Variants in INPP4B observed in about 807,000 individuals in gnomAD.
INPP4B encodes the protein inositol polyphosphate 4-phosphatase type II.
A neutral mutation model predicts 122.5 loss-of-function variants in INPP4B; 55 were observed. That is an observed-to-expected ratio of 0.45 (90% CI 0.36 to 0.56). INPP4B has a LOEUF of 0.56. INPP4B is among the 20% of genes least tolerant of loss of function. The pLI is 0.00. For synonymous variants in INPP4B, 403 were observed against 388.7 expected, an observed-to-expected ratio of 1.04 and a Z score of -0.43; for missense variants, 1,000 against 1,097.7, an observed-to-expected ratio of 0.91 and a Z score of 1.26.
At chr4:142,262,047 C>G (rs970776507) in intron 10 of INPP4B, among the ~76,000 whole-genome samples, 11 of 152,264 alleles carry the variant, frequency 7.2e-5, no homozygotes, top group African/African-American at 2.6e-4. Flanking sequence ...TCCTAAATCA[C>G]TAGAATGATG....
chr4:142,448,494 T>A (rs1813432142), intron 3 of INPP4B, among the ~76,000 whole-genome samples: 1 of 152,158 alleles, frequency 6.6e-6, no homozygotes, highest in African/African-American at 2.4e-5. Context: ...CAATGTCAAA[T>A]CACTTAAAAA....
chr4:142,417,888 T>A (rs1806104276), intron 5 of INPP4B, among the ~76,000 whole-genome samples: 1 of 152,138 alleles, frequency 6.6e-6, no homozygotes, highest in South Asian at 2.1e-4. Context: ...TCTCCTTATG[T>A]CAGTCTATTT....
chr4:142,845,321 A>C (rs1784051144), intron 1 of INPP4B, among the ~76,000 whole-genome samples: 1 of 152,134 alleles, frequency 6.6e-6, no homozygotes, highest in Non-Finnish European at 1.5e-5. Context: ...TGGTTCTAGC[A>C]TCCTCATCTT....
chr4:142,361,518 C>G (rs977215057), intron 7 of INPP4B, among the ~76,000 whole-genome samples: 10 of 151,872 alleles, frequency 6.6e-5, no homozygotes, highest in Admixed American at 1.3e-4. Flanking sequence ...AGATTTCAGC[C>G]AATGATGTGT....
intron 25 of INPP4B, among the ~76,000 whole-genome samples, chr4:142,067,934 C>T (rs1198426241): frequency 6.6e-6 from 1 of 152,076 alleles, no homozygotes; most frequent in Non-Finnish European, 1.5e-5. Flanking sequence ...AGAACTTCCC[C>T]AACATAGCAA....
intron 2 of INPP4B, among the ~76,000 whole-genome samples, chr4:142,629,209 G>C (rs1200475898): frequency 6.6e-6 from 1 of 151,954 alleles, no homozygotes; most frequent in Admixed American, 6.6e-5. Context: ...CCAGGGAACT[G>C]GCAATCAATC....
rs1242712509 is a variant in INPP4B, at chr4:142,642,748, C to T, written c.-191+83091G>A. On this transcript the variant is annotated intron_variant, in intron 2 of 25. Transcript: ENST00000262992. ...TTGGCTTAGGATTGACTTGGTGATG[C>T]GGGCTCTTTTTTGGTTCTATATGAA... Among the ~76,000 whole-genome samples, 10 of 152,208 alleles carry T rather than the reference C, an allele frequency of 6.6e-5. No individual in the cohort carries two copies. In the East Asian group the frequency reaches 7.7e-4, roughly 12 times the overall value.
intron 25 of INPP4B, chr4:142,030,320 GT>G: frequency 9.8e-6 from 15 of 1,523,070 alleles, no homozygotes; most frequent in Non-Finnish European, 1.3e-5. Flanking sequence ...ATGAGGGGAA[GT>G]TGGGGGGGAA....
intron 21 of INPP4B, among the ~76,000 whole-genome samples, chr4:142,116,946 A>T (rs6848191): frequency 0.13 from 19,085 of 151,914 alleles, 1,368 homozygotes; most frequent in East Asian, 0.23. Context: ...GAGAAAATAA[A>T]CAAATAGATG....
intron 1 of INPP4B, among the ~76,000 whole-genome samples, chr4:142,829,534 G>A (rs932556326): frequency 6.6e-6 from 1 of 151,946 alleles, no homozygotes; most frequent in African/African-American, 2.4e-5. Context: ...CTATTCCTGA[G>A]TTTCTGCACT....
At chr4:142,716,807 T>G (rs994318564) in intron 2 of INPP4B, among the ~76,000 whole-genome samples, 1 of 152,186 alleles carries the variant, frequency 6.6e-6, no homozygotes, top group African/African-American at 2.4e-5. Context: ...ATCCAACCAA[T>G]TGTAATGGTC....
chr4:142,086,078 A>C, intron 24 of INPP4B, 66 bp downstream of exon 24: 3 of 1,068,316 alleles, frequency 2.8e-6, no homozygotes, highest in Non-Finnish European at 4.4e-6. Flanking sequence ...CCTGCACAGT[A>C]GAGAACTGAT....
At chr4:142,537,398 C>CTATATAT in intron 2 of INPP4B, among the ~76,000 whole-genome samples, 1 of 54,556 alleles carries the variant, frequency 1.8e-5, no homozygotes, top group Non-Finnish European at 4.4e-5. Flanking sequence ...ATTTTACATA[C>CTATATAT]AGTATATATA....
At chr4:142,258,651 G>C (rs1168708722) in intron 11 of INPP4B, among the ~76,000 whole-genome samples, 14 of 152,156 alleles carry the variant, frequency 9.2e-5, no homozygotes, top group Non-Finnish European at 1.6e-4. Flanking sequence ...AAACCACAAT[G>C]AGATACCATC....
At chr4:142,672,235 T>C (rs759292038) in intron 2 of INPP4B, among the ~76,000 whole-genome samples, 4 of 152,184 alleles carry the variant, frequency 2.6e-5, no homozygotes, top group Non-Finnish European at 4.4e-5. Flanking sequence ...GAACATAAGT[T>C]TTCATTTGTT....
At chr4:142,756,066 G>C (rs1220518488) in intron 1 of INPP4B, among the ~76,000 whole-genome samples, 1 of 152,000 alleles carries the variant, frequency 6.6e-6, no homozygotes, top group African/African-American at 2.4e-5. Flanking sequence ...TCTTGCTAGT[G>C]GTTGCTTTAT....
chr4:142,065,659 G>A (rs1763139889), intron 25 of INPP4B, among the ~76,000 whole-genome samples: 1 of 152,164 alleles, frequency 6.6e-6, no homozygotes, highest in African/African-American at 2.4e-5. Flanking sequence ...CAAACCTAGT[G>A]GTTTCCAAGG....
intron 9 of INPP4B, among the ~76,000 whole-genome samples, chr4:142,271,503 T>A (rs1409267261): frequency 6.6e-6 from 1 of 152,218 alleles, no homozygotes; most frequent in South Asian, 2.1e-4. Flanking sequence ...AGTATAAATA[T>A]TCTTATCTTC....
chr4:142,253,194 G>A (rs1733365062), intron 11 of INPP4B, among the ~76,000 whole-genome samples: 1 of 152,242 alleles, frequency 6.6e-6, no homozygotes, highest in Admixed American at 6.5e-5. Context: ...TTCAGAGCTA[G>A]AAGAAGGTGC....
Sources: gnomAD v4.1 joint callset for allele counts (sites outside exome capture counted in the v4.1 genomes callset) on GRCh38, gnomAD v4.1.1 for gene constraint, MANE v1.5 for transcripts, NCBI Gene and HGNC (gene_info 2026-07-23, HGNC 2026-07-21) for gene names.